PGBD5: variants seen among roughly 807,000 people sequenced by gnomAD.
The protein encoded by PGBD5 is piggyBac transposable element derived 5, also known as piggyBac transposable element-derived protein 5.
PGBD5 carries 14 observed loss-of-function variants against 47.9 expected under a neutral mutation model. The observed-to-expected ratio is 0.29, with a 90% CI of 0.19 to 0.46. The LOEUF is 0.46. Among genes scored for constraint, PGBD5 ranks in the 20% least tolerant of loss-of-function variants. The probability of loss-of-function intolerance (pLI) is 1.00; values close to 1 mark genes in which losing one functional copy is unlikely to be tolerated. For synonymous variants in PGBD5, 316 were observed against 306.3 expected (o/e 1.03, Z -0.33); for missense variants, 635 against 716.0 (o/e 0.89, Z 1.29).
chr1:230,334,932 T>G (rs907556486), intron 4 of PGBD5, among the ~76,000 whole-genome samples: 11 of 151,406 alleles, frequency 7.3e-5, no homozygotes, highest in Non-Finnish European at 1.2e-4. Flanking sequence ...AGCAGCACAC[T>G]CAGCTCTTTG....
At chr1:230,359,386 G>T (rs1667709006) in intron 1 of PGBD5, among the ~76,000 whole-genome samples, 1 of 152,228 alleles carries the variant, frequency 6.6e-6, no homozygotes, top group African/African-American at 2.4e-5. Flanking sequence ...GCTAACAAAA[G>T]TTGTTCTCAT....
intron 1 of PGBD5, among the ~76,000 whole-genome samples, chr1:230,366,589 C>T (rs1020100794): frequency 6.6e-6 from 1 of 152,194 alleles, no homozygotes; most frequent in East Asian, 1.9e-4. Flanking sequence ...CTGGACCAGG[C>T]TCCAACTCCT....
chr1:230,352,613 G>C (rs1667575775), intron 2 of PGBD5, among the ~76,000 whole-genome samples: 1 of 152,106 alleles, frequency 6.6e-6, no homozygotes, highest in South Asian at 2.1e-4. Flanking sequence ...TTCTACTAAT[G>C]GACACATGGG....
chr1:230,399,926 A>C (rs892066224), intron 1 of PGBD5, among the ~76,000 whole-genome samples: 1 of 152,148 alleles, frequency 6.6e-6, no homozygotes, highest in African/African-American at 2.4e-5. Context: ...TTATGGCGGG[A>C]GCCAGATCCC....
chr1:230,332,528 C>T (rs199880974), intron 5 of PGBD5, among the ~76,000 whole-genome samples: 23 of 152,314 alleles, frequency 1.5e-4, no homozygotes, highest in Admixed American at 1.4e-3. Context: ...GAATCCCAGA[C>T]GACAAAGTGA....
rs775078844 is a variant in PGBD5 at position 230,357,106 on chromosome 1, C to T, written c.547G>A (p.Glu183Lys). 4.3e-6 allele frequency: 7 copies of T among 1,614,040 alleles called. No individual in the cohort carries two copies. In the African/African-American group the frequency reaches 5.3e-5, roughly 12 times the overall value. Reference sequence around the variant, plus strand: ...CCGCTCCAGATGCTGAGGACGGACTCGCAGTGGGAGATGCTGGTGGAGATC... The same window carrying T: ...CCGCTCCAGATGCTGAGGACGGACTTGCAGTGGGAGATGCTGGTGGAGATC... The part of the protein sequence containing the change: ...YMISTSISHC[E>K]SVLSIWSGGF... Residue 183 changes from glutamate to lysine, a missense_variant, in exon 2 of 7, where the codon GAG becomes AAG. Coordinates refer to ENST00000391860, the MANE Select transcript of PGBD5 (RefSeq NM_001258311.2). This position sits in a 1 kb window ranked among gnomAD's most constrained non-coding sequence, Gnocchi z 5.7.
intron 1 of PGBD5, among the ~76,000 whole-genome samples, chr1:230,384,944 C>T (rs1009045148): frequency 6.6e-6 from 1 of 152,194 alleles, no homozygotes; most frequent in Non-Finnish European, 1.5e-5. Flanking sequence ...TGTAGCAAGG[C>T]GGCTGGTTAT....
intron 5 of PGBD5, among the ~76,000 whole-genome samples, chr1:230,328,026 T>A (rs1221488591): frequency 2.0e-5 from 3 of 152,028 alleles, no homozygotes; most frequent in Non-Finnish European, 4.4e-5. Context: ...GAAATGCAAA[T>A]CCCCTTAGTT....
chr1:230,406,311 CAA>C (rs67577027), intron 1 of PGBD5, among the ~76,000 whole-genome samples: 10 of 54,644 alleles, frequency 1.8e-4, no homozygotes, highest in East Asian at 1.2e-3. Context: ...GACTCCGTCT[CAA>C]AAAAAAAAAA....
In PGBD5 at chr1:230,357,366, C is replaced by T. The variant is rs775639591; in HGVS notation, c.332-45G>A. The T allele has an allele frequency of 1.4e-5, 22 of 1,578,404 alleles. No homozygotes were observed. In the East Asian group the frequency reaches 5.0e-4, roughly 36 times the overall value. ...GGAGTGTTCCTTAGGACGGCCGCCACACCCTGACTCGACACGAGAACGGCT... is the reference window on the plus strand; with the variant it reads ...GGAGTGTTCCTTAGGACGGCCGCCATACCCTGACTCGACACGAGAACGGCT... On this transcript the variant is annotated intron_variant, in intron 1 of 6. Transcript: ENST00000391860. This position sits in a 1 kb window ranked among gnomAD's most constrained non-coding sequence, Gnocchi z 5.7.
chr1:230,334,132 T>C (rs1667265820), intron 4 of PGBD5, among the ~76,000 whole-genome samples: 1 of 152,252 alleles, frequency 6.6e-6, no homozygotes, highest in African/African-American at 2.4e-5. Flanking sequence ...GACAGTTGAA[T>C]GAATCTTTTC....
At chr1:230,401,465 G>C (rs1219592929) in intron 1 of PGBD5, among the ~76,000 whole-genome samples, 2 of 152,052 alleles carry the variant, frequency 1.3e-5, no homozygotes. Flanking sequence ...AGGGAGAAGC[G>C]TAAATAGCAA....
chr1:230,368,705 G>T (rs2632570), intron 1 of PGBD5, among the ~76,000 whole-genome samples: 2 of 152,076 alleles, frequency 1.3e-5, no homozygotes, highest in Non-Finnish European at 2.9e-5. Context: ...GGACAGGGTC[G>T]GTAATGCCTG....
chr1:230,322,627 CAA>C lies in PGBD5; in HGVS notation c.*796_*797del, dbSNP rs1667052469. 6.5e-6 allele frequency: 1 copy of C among 153,044 alleles called. No individual in the cohort carries two copies. The highest frequency in any genetic ancestry group is 2.4e-5 in the African/African-American group (1 of 41,452). The allele number at this position is 153,044 out of a possible 1,614,324, so 9.5% of individuals were successfully genotyped here. ...GCCAGAACACAGAACTGTGATCATG[CAA>C]AGAGCCGTGACTGAGGCCGGGGTCA... is the stretch of plus-strand genomic sequence containing the variant. On this transcript the variant is annotated 3_prime_UTR_variant, in exon 7 of 7. Coordinates refer to ENST00000391860, the MANE Select transcript of PGBD5 (RefSeq NM_001258311.2). The surrounding 1 kb of genome is among the most constrained non-coding windows in gnomAD (Gnocchi z 5.9).
rs988257216 is a variant in PGBD5 at position 230,321,658 on chromosome 1, T to C, written c.*1767A>G. Reference sequence around the variant, plus strand: ...TATTAACGGAGAATCAACATCTAAATAGACTTTTATTTTTATTTTACTTGT... The same window carrying C: ...TATTAACGGAGAATCAACATCTAAACAGACTTTTATTTTTATTTTACTTGT... On this transcript the variant is annotated 3_prime_UTR_variant, in exon 7 of 7. Transcript: ENST00000391860. 2 of 152,584 alleles carry C rather than the reference T, an allele frequency of 1.3e-5. No homozygotes were observed. Among genetic ancestry groups the C allele is most frequent in the Admixed American group, 1.3e-4 (2 of 15,290 alleles). 9.5% of individuals were successfully genotyped at this position (152,584 alleles called of 1,614,324 possible).
At chr1:230,393,036 A>G in intron 1 of PGBD5, among the ~76,000 whole-genome samples, 1 of 147,780 alleles carries the variant, frequency 6.8e-6, no homozygotes, top group African/African-American at 2.5e-5. Context: ...GGAGAGGGAG[A>G]AAGGAAGGAA....
intron 1 of PGBD5, among the ~76,000 whole-genome samples, chr1:230,414,907 G>A (rs1173753803): frequency 6.6e-6 from 1 of 152,170 alleles, no homozygotes; most frequent in Non-Finnish European, 1.5e-5. Context: ...CTCAGCAGTG[G>A]AATTCCTGGG....
intron 1 of PGBD5, among the ~76,000 whole-genome samples, chr1:230,393,098 AG>A (rs1656829313): frequency 7.2e-6 from 1 of 139,416 alleles, no homozygotes; most frequent in African/African-American, 2.7e-5. Flanking sequence ...GAAGGAGGAA[AG>A]GGGAAAAAGA....
chr1:230,365,602 A>C (rs1667816259), intron 1 of PGBD5, among the ~76,000 whole-genome samples: 1 of 152,200 alleles, frequency 6.6e-6, no homozygotes, highest in African/African-American at 2.4e-5. Flanking sequence ...ATCTCTCAGG[A>C]GTGCTCTGCT....
Sources: allele counts gnomAD v4.1 joint callset (sites outside exome capture counted in the v4.1 genomes callset), GRCh38; gene constraint gnomAD v4.1.1; non-coding constraint Gnocchi (gnomAD v3.1); transcripts MANE v1.5; gene names NCBI Gene and HGNC (gene_info 2026-07-23, HGNC 2026-07-21).